TAF5L: variants seen among roughly 807,000 people sequenced by gnomAD.
TAF5L encodes TAF5-like RNA polymerase II p300/CBP-associated factor-associated factor 65 kDa subunit 5L.
TAF5L carries 7 observed loss-of-function variants against 51.3 expected under a neutral mutation model. The ratio of observed to expected loss-of-function variants is 0.14; its 90% CI spans 0.08 to 0.26. The LOEUF (loss-of-function observed/expected upper bound fraction) is 0.26. Ranked by LOEUF, TAF5L falls within the 10% of genes least tolerant of loss-of-function variation. TAF5L has a pLI of 1.00. For missense variants in TAF5L, 575 were observed against 758.9 expected, an observed-to-expected ratio of 0.76 and a Z score of 2.85; for synonymous variants, 291 against 308.1, an observed-to-expected ratio of 0.94 and a Z score of 0.58.
In TAF5L at chr1:229,594,696, C is replaced by A; in HGVS notation, c.1371G>T (p.Gln457His). Residue 457 changes from glutamine (Q) to histidine (H), a missense_variant, in exon 5 of 5, where the codon CAG becomes CAT. Transcript: ENST00000258281. The surrounding 1 kb of genome is among the most constrained non-coding windows in gnomAD (Gnocchi z 7.9). ...CTGTGAAAAGCCTCACCGAGTTCCC[C>A]TGCTGAGCGCTCCACAGCCGGACGG... 6.2e-7 allele frequency: 1 copy of A among 1,614,230 alleles called. No individual in the cohort carries two copies. Among genetic ancestry groups the A allele is most frequent in the South Asian group, 1.1e-5 (1 of 91,090 alleles).
chr1:229,613,240 G>C (rs1664851526), intron 2 of TAF5L, among the ~76,000 whole-genome samples: 1 of 150,866 alleles, frequency 6.6e-6, no homozygotes, highest in Non-Finnish European at 1.5e-5. Flanking sequence ...CTGAGATGGA[G>C]GATCACTTGA....
At chr1:229,617,088 T>C (rs1011880856) in intron 1 of TAF5L, among the ~76,000 whole-genome samples, 4 of 152,152 alleles carry the variant, frequency 2.6e-5, no homozygotes, top group African/African-American at 9.7e-5. Context: ...AATTAAGCTG[T>C]TTTTTTAAAT....
In TAF5L at chr1:229,595,569, GACA is replaced by G. The variant is rs1284234432; in HGVS notation, c.973-478_973-476del. Among the ~76,000 whole-genome samples the G allele has an allele frequency of 2.3e-4, 35 of 152,202 alleles. 1 individual carries two copies. Among genetic ancestry groups the G allele is most frequent in the Admixed American group, 2.0e-3 (31 of 15,278 alleles). ...ACTGCTGTTTTTACTCCATTTAACTGACAACAACATTTCGTTAAGTCCTGACAT... is the reference window on the plus strand; with the variant it reads ...ACTGCTGTTTTTACTCCATTTAACTGACAACATTTCGTTAAGTCCTGACAT... On this transcript the variant is annotated intron_variant, in intron 4 of 4. Transcript: ENST00000258281.
At chr1:229,616,023 TA>T (rs1343668258) in intron 1 of TAF5L, among the ~76,000 whole-genome samples, 1 of 152,148 alleles carries the variant, frequency 6.6e-6, no homozygotes, top group African/African-American at 2.4e-5. Flanking sequence ...CATTTTGTTT[TA>T]TTTTTTTTGA....
chr1:229,601,509 A>C, intron 4 of TAF5L: 5 of 985,446 alleles, frequency 5.1e-6, no homozygotes, highest in Non-Finnish European at 6.0e-6. Flanking sequence ...CTGAAACCCA[A>C]GCTGCGCCTG....
Position 229,595,233 on chromosome 1 carries a change from G to C in TAF5L, c.973-139C>G, listed in dbSNP as rs2102734749. 7.8e-6 allele frequency: 7 copies of C among 892,820 alleles called. No individual in the cohort carries two copies. In the South Asian group the frequency reaches 1.1e-4, roughly 14 times the overall value. The allele number at this position is 892,820 out of a possible 1,614,324, so 55.3% of individuals were successfully genotyped here. A position where few individuals can be genotyped will look rare whatever the true frequency, so the allele number is the denominator to read the frequency against. ...AATAGCATCTATCCAGCAAATGACA[G>C]TGGCCTTGCCCTTGAACGCTACCCC... On this transcript the variant is annotated intron_variant, in intron 4 of 4. Coordinates refer to ENST00000258281, the Ensembl canonical transcript of TAF5L.
chr1:229,620,874 G>A (rs1211850664), intron 1 of TAF5L, among the ~76,000 whole-genome samples: 4 of 152,076 alleles, frequency 2.6e-5, no homozygotes, highest in East Asian at 1.9e-4. Context: ...GGGATAAGAC[G>A]TTTTCCCATG....
At chr1:229,615,143 A>C (rs1664933834) in intron 1 of TAF5L, among the ~76,000 whole-genome samples, 2 of 152,078 alleles carry the variant, frequency 1.3e-5, no homozygotes, top group Non-Finnish European at 2.9e-5. Flanking sequence ...GCTGGAGTGC[A>C]TTGGTGCGAT....
intron 1 of TAF5L, among the ~76,000 whole-genome samples, chr1:229,623,588 C>G (rs1187927559): frequency 6.6e-6 from 1 of 152,236 alleles, no homozygotes; most frequent in African/African-American, 2.4e-5. Flanking sequence ...CCCTTCCACA[C>G]ACGAACCCAG....
At chr1:229,604,460 C>T (rs1664507634) in intron 3 of TAF5L, among the ~76,000 whole-genome samples, 2 of 152,154 alleles carry the variant, frequency 1.3e-5, no homozygotes, top group African/African-American at 4.8e-5. Context: ...GCTCCTCACA[C>T]CTCTGAATCA....
rs892397404 is a variant in TAF5L at position 229,594,140 on chromosome 1, G to C, written c.*157C>G. The C allele has an allele frequency of 1.5e-5, 12 of 822,124 alleles. No individual in the cohort carries two copies. Among genetic ancestry groups the C allele is most frequent in the Non-Finnish European group, 1.9e-5 (10 of 528,656 alleles). The allele number at this position is 822,124 out of a possible 1,614,324, so 50.9% of individuals were successfully genotyped here. The stretch of plus-strand genomic sequence containing the variant: ...TCCCCAACCTTGGCCTTCGACACTG[G>C]GGGGCTGAGTGAAGGGGGACCTGCC... On this transcript the variant is annotated 3_prime_UTR_variant, in exon 5 of 5. Transcript: ENST00000258281. This position sits in a 1 kb window ranked among gnomAD's most constrained non-coding sequence, Gnocchi z 7.9.
intron 4 of TAF5L, 152 bp from the exon 5 acceptor site, chr1:229,595,246 T>A: frequency 1.3e-6 from 1 of 761,672 alleles, no homozygotes; most frequent in East Asian, 2.7e-5. Context: ...GCCTTGCCCT[T>A]GAACGCTACC....
chr1:229,604,366 G>A lies in TAF5L; in HGVS notation c.248-1447C>T, dbSNP rs1339213678. ...TCATAATATGCATTTTAGAATAAAT[G>A]TATCCCTACTCATTATTTAGAGGAT... On this transcript the variant is annotated intron_variant, in intron 3 of 4. Transcript: ENST00000258281. Among the ~76,000 whole-genome samples, 6 of 152,082 alleles carry A rather than the reference G, an allele frequency of 3.9e-5. No individual in the cohort carries two copies. In the South Asian group the frequency reaches 1.2e-3, roughly 31 times the overall value.
chr1:229,602,092 G>A lies in TAF5L; in HGVS notation c.972+103C>T, dbSNP rs1571834417. On this transcript the variant is annotated intron_variant, in intron 4 of 4. Coordinates refer to ENST00000258281, the Ensembl canonical transcript of TAF5L. This position sits in a 1 kb window ranked among gnomAD's most constrained non-coding sequence, Gnocchi z 4.6. ...ATTAGTCTGGCTTTAGCTATATGATGAGGGAAACTAGGAAGTCCATTCTAA... is the reference window on the plus strand; with the variant it reads ...ATTAGTCTGGCTTTAGCTATATGATAAGGGAAACTAGGAAGTCCATTCTAA... 18 of 1,523,556 alleles carry A rather than the reference G, an allele frequency of 1.2e-5. No homozygotes were observed. In the East Asian group the frequency reaches 4.1e-4, roughly 35 times the overall value. 94.4% of individuals were successfully genotyped at this position (1,523,556 alleles called of 1,614,324 possible). A position where few individuals can be genotyped will look rare whatever the true frequency, so the allele number is the denominator to read the frequency against.
intron 3 of TAF5L, chr1:229,606,922 T>C (rs1664614849): frequency 1.0e-6 from 1 of 985,212 alleles, no homozygotes; most frequent in Admixed American, 6.1e-5. Context: ...ATAGATACTC[T>C]TATATCTTTC....
chr1:229,595,032 C>A, exon 5 of TAF5L: 1 of 1,613,998 alleles, frequency 6.2e-7, no homozygotes, highest in African/African-American at 1.3e-5. Context: ...TCGTGCTGTA[C>A]ACTGGTCCGC....
chr1:229,614,956 T>C (rs903598896), intron 1 of TAF5L, among the ~76,000 whole-genome samples: 7 of 152,174 alleles, frequency 4.6e-5, no homozygotes, highest in Admixed American at 4.6e-4. Context: ...ACTGGATAAA[T>C]AGATGTTAAC....
At chr1:229,604,968 C>T (rs1046854574) in intron 3 of TAF5L, among the ~76,000 whole-genome samples, 2 of 152,034 alleles carry the variant, frequency 1.3e-5, no homozygotes, top group African/African-American at 2.4e-5. Context: ...GATGGAGTCT[C>T]GCTCCGTCAC....
intron 4 of TAF5L, chr1:229,600,956 A>G: frequency 1.0e-6 from 1 of 985,468 alleles, no homozygotes; most frequent in Non-Finnish European, 1.2e-6. Flanking sequence ...AAATGCAGGC[A>G]GTATTCCTCA....
Sources: gnomAD v4.1 joint callset for allele counts (sites outside exome capture counted in the v4.1 genomes callset) on GRCh38, gnomAD v4.1.1 for gene constraint, Gnocchi (gnomAD v3.1) non-coding constraint, MANE v1.5 for transcripts, NCBI Gene and HGNC (gene_info 2026-07-23, HGNC 2026-07-21) for gene names.